QTGAL: variants seen among roughly 807,000 people sequenced by gnomAD.
QTGAL encodes queuosine-tRNA galactosyltransferase.
the QTGAL span, among the ~76,000 whole-genome samples, chr17:82,993,232 C>G: frequency 2.6e-5 from 4 of 151,990 alleles, no homozygotes; most frequent in African/African-American, 9.7e-5. Flanking sequence ...AGAAACACAC[C>G]TGGCTTCTAA....
At chr17:82,997,344 T>C in the QTGAL span, among the ~76,000 whole-genome samples, 1,846 of 152,284 alleles carry the variant, frequency 0.012, 44 homozygotes, top group African/African-American at 0.042. Flanking sequence ...ATTTTTCTCA[T>C]TCCAGTTAAA....
At chr17:82,958,987 GGT>G in the QTGAL span, among the ~76,000 whole-genome samples, 353 of 49,558 alleles carry the variant, frequency 7.1e-3, 29 homozygotes, top group African/African-American at 0.019. Flanking sequence ...GGGGGTGTAT[GGT>G]GTGTGTGTGT....
the QTGAL span, among the ~76,000 whole-genome samples, chr17:83,027,763 T>C: frequency 1.4e-5 from 2 of 143,168 alleles, no homozygotes; most frequent in African/African-American, 5.2e-5. Flanking sequence ...ACAATCTATA[T>C]ACCTGACAAA....
At chr17:83,017,901 A>G in the QTGAL span, among the ~76,000 whole-genome samples, 590 of 145,660 alleles carry the variant, frequency 4.1e-3, no homozygotes, top group Middle Eastern at 0.018. Context: ...TGCCTGCATC[A>G]GGTACCACAC....
At chr17:82,984,682 A>T in the QTGAL span, among the ~76,000 whole-genome samples, 1 of 152,128 alleles carries the variant, frequency 6.6e-6, no homozygotes, top group Non-Finnish European at 1.5e-5. Flanking sequence ...TCCAGACCCA[A>T]GAACTTTAAG....
chr17:83,020,879 A>G, the QTGAL span, among the ~76,000 whole-genome samples: 1 of 152,126 alleles, frequency 6.6e-6, no homozygotes, highest in South Asian at 2.1e-4. Context: ...AATTTGGGGA[A>G]GACAGAGAGA....
the QTGAL span, chr17:83,006,765 A>G: frequency 5.1e-6 from 5 of 985,482 alleles, no homozygotes; most frequent in Non-Finnish European, 6.0e-6. The surrounding 1 kb of genome is among the most constrained non-coding windows in gnomAD (Gnocchi z 5.8). Context: ...ATGTAACAGT[A>G]GTCAGGTCCT....
chr17:82,947,420 A>T, the QTGAL span: 1 of 169,242 alleles, frequency 5.9e-6, no homozygotes, highest in Non-Finnish European at 1.3e-5. Context: ...CCCCTGTCTG[A>T]TCTCCTCTGG....
the QTGAL span, chr17:83,014,596 C>T: frequency 3.3e-6 from 5 of 1,526,932 alleles, no homozygotes; most frequent in South Asian, 3.4e-5. Context: ...CGCTTTATTG[C>T]CCAGGCTGGA....
chr17:83,000,438 A>G, the QTGAL span, among the ~76,000 whole-genome samples: 1 of 152,234 alleles, frequency 6.6e-6, no homozygotes, highest in Admixed American at 6.5e-5. Flanking sequence ...AGTTTTGTGC[A>G]GTTGTGATTC....
chr17:83,024,484 A>G, the QTGAL span, among the ~76,000 whole-genome samples: 1 of 152,252 alleles, frequency 6.6e-6, no homozygotes, highest in African/African-American at 2.4e-5. Flanking sequence ...ATCCGCCTCC[A>G]GTCTCCAAGT....
At chr17:82,977,790 G>A in the QTGAL span, among the ~76,000 whole-genome samples, 10 of 152,278 alleles carry the variant, frequency 6.6e-5, no homozygotes, top group African/African-American at 2.4e-4. Flanking sequence ...CGAGGGGGGT[G>A]GAACGAGGCC....
the QTGAL span, among the ~76,000 whole-genome samples, chr17:83,023,296 CAT>C: frequency 1.5e-5 from 2 of 130,542 alleles, no homozygotes; most frequent in Admixed American, 7.9e-5. Context: ...CGTGAACTCA[CAT>C]GAGCTTAGCA....
At chr17:82,996,521 CAAA>C in the QTGAL span, among the ~76,000 whole-genome samples, 1,636 of 124,950 alleles carry the variant, frequency 0.013, 33 homozygotes, top group African/African-American at 0.045. Context: ...GACTCTGCCT[CAAA>C]AAAAAAAAAA....
At chr17:83,028,618 T>A in the QTGAL span, among the ~76,000 whole-genome samples, 6 of 151,146 alleles carry the variant, frequency 4.0e-5, no homozygotes. Context: ...TCAGAGCTAC[T>A]AGAATCATGA....
chr17:82,961,164 C>G, the QTGAL span: 3 of 1,607,696 alleles, frequency 1.9e-6, no homozygotes, highest in Non-Finnish European at 2.5e-6. Flanking sequence ...AGAAGAACAG[C>G]AGGTCCTCCG....
At chr17:83,025,098 A>G in the QTGAL span, among the ~76,000 whole-genome samples, 2 of 152,240 alleles carry the variant, frequency 1.3e-5, no homozygotes, top group Admixed American at 1.3e-4. Flanking sequence ...GATAACTCAA[A>G]TAAAACAGAA....
chr17:83,005,362 G>A, the QTGAL span: 2 of 695,260 alleles, frequency 2.9e-6, no homozygotes. The surrounding 1 kb of genome is among the most constrained non-coding windows in gnomAD (Gnocchi z 5.6). Flanking sequence ...AACACCGGGA[G>A]TCGAGGGCGA....
At chr17:82,946,725 T>C in the QTGAL span, among the ~76,000 whole-genome samples, 4 of 152,210 alleles carry the variant, frequency 2.6e-5, no homozygotes, top group Non-Finnish European at 5.9e-5. Context: ...TCTGAAGTCG[T>C]GAATTATACA....
Sources: allele counts gnomAD v4.1 joint callset (sites outside exome capture counted in the v4.1 genomes callset), GRCh38; gene constraint gnomAD v4.1.1; non-coding constraint Gnocchi (gnomAD v3.1); transcripts MANE v1.5; gene names NCBI Gene and HGNC (gene_info 2026-07-23, HGNC 2026-07-21).